The following SPAG16 variants were observed in gnomAD, a reference collection of about 807,000 sequenced individuals.
SPAG16 encodes sperm associated antigen 16, also known as sperm-associated antigen 16 protein.
A neutral mutation model predicts 80.4 loss-of-function variants in SPAG16; 86 were observed. That is an observed-to-expected ratio of 1.07 (90% CI 0.90 to 1.28). The LOEUF (loss-of-function observed/expected upper bound fraction) is 1.28, where lower values mean the gene tolerates loss of function less well. SPAG16 is among the 50% of genes most tolerant of loss of function. The pLI, the probability that SPAG16 is intolerant of heterozygous loss-of-function variation, is 0.00. For synonymous variants in SPAG16, 294 were observed against 265.9 expected (o/e 1.11, Z -1.03); for missense variants, 870 against 765.3 (o/e 1.14, Z -1.61).
intron 8 of SPAG16, among the ~76,000 whole-genome samples, chr2:213,367,609 C>T (rs1043995155): frequency 3.5e-5 from 5 of 144,722 alleles, no homozygotes; most frequent in African/African-American, 1.2e-4. Context: ...CTGTTCATAT[C>T]CTTCACCCAC....
intron 1 of SPAG16, among the ~76,000 whole-genome samples, chr2:213,288,777 T>C (rs1052323628): frequency 2.6e-5 from 4 of 152,232 alleles, no homozygotes; most frequent in Non-Finnish European, 5.9e-5. Context: ...TTTTCTTCTG[T>C]TATAAAATGG....
chr2:213,518,719 A>C (rs1279066562), intron 10 of SPAG16, among the ~76,000 whole-genome samples: 1 of 152,210 alleles, frequency 6.6e-6, no homozygotes, highest in Non-Finnish European at 1.5e-5. Context: ...TTAACCCAAC[A>C]ATCCTGTTAC....
At chr2:213,653,888 C>T (rs991175603) in intron 10 of SPAG16, among the ~76,000 whole-genome samples, 13 of 152,066 alleles carry the variant, frequency 8.5e-5, no homozygotes, top group Non-Finnish European at 2.9e-5. Context: ...TTCCATACAA[C>T]AGCTAAAGAT....
At chr2:213,792,961 C>T (rs2070797314) in intron 10 of SPAG16, among the ~76,000 whole-genome samples, 1 of 151,866 alleles carries the variant, frequency 6.6e-6, no homozygotes. Context: ...AAGTCTCACT[C>T]TTGTCCCCAG....
chr2:214,254,541 A>G (rs867819148), intron 15 of SPAG16, among the ~76,000 whole-genome samples: 1 of 152,126 alleles, frequency 6.6e-6, no homozygotes, highest in Non-Finnish European at 1.5e-5. Flanking sequence ...ACAATCGGTC[A>G]GCTTAGTCAG....
chr2:213,665,615 G>A (rs2063572457), intron 10 of SPAG16, among the ~76,000 whole-genome samples: 1 of 152,076 alleles, frequency 6.6e-6, no homozygotes, highest in African/African-American at 2.4e-5. Flanking sequence ...GAGAAATGAA[G>A]GCTCAAATTC....
In SPAG16 at chr2:213,796,090, C is replaced by A. The variant is rs150742261; in HGVS notation, c.1071-66395C>A. On this transcript the variant is annotated intron_variant, in intron 10 of 15. Coordinates refer to ENST00000331683, the MANE Select transcript of SPAG16 (RefSeq NM_024532.5). The stretch of plus-strand genomic sequence containing the variant: ...ATAAAACATCTAATCTATTCAACTC[C>A]CCCCAAAATGGTTAAAAATTTTTAT... Among the ~76,000 whole-genome samples the A allele has an allele frequency of 5.3e-4, 81 of 152,102 alleles. 1 individual carries two copies. Among genetic ancestry groups the A allele is most frequent in the African/African-American group, 1.7e-3 (72 of 41,506 alleles).
At chr2:213,585,045 C>G (rs1343229534) in intron 10 of SPAG16, among the ~76,000 whole-genome samples, 4 of 151,660 alleles carry the variant, frequency 2.6e-5, no homozygotes, top group Non-Finnish European at 5.9e-5. Flanking sequence ...AAAAGTTAGC[C>G]AGGCATGGTG....
At chr2:213,978,360 C>G (rs988444951) in intron 12 of SPAG16, among the ~76,000 whole-genome samples, 1 of 152,112 alleles carries the variant, frequency 6.6e-6, no homozygotes, top group Admixed American at 6.6e-5. Flanking sequence ...ATTCTTTCCT[C>G]AAATTTCCAA....
chr2:214,061,980 T>C (rs937137056), intron 13 of SPAG16, among the ~76,000 whole-genome samples: 38 of 46,988 alleles, frequency 8.1e-4, no homozygotes, highest in Admixed American at 1.9e-3. Flanking sequence ...AATAAAAGCA[T>C]GCACACACAC....
chr2:213,990,809 A>G (rs187419775), intron 12 of SPAG16, among the ~76,000 whole-genome samples: 1 of 152,148 alleles, frequency 6.6e-6, no homozygotes, highest in East Asian at 1.9e-4. Context: ...ATGTTTGCTC[A>G]ATATCTCTAA....
chr2:213,367,182 T>C (rs920074266), intron 8 of SPAG16, among the ~76,000 whole-genome samples: 1 of 152,148 alleles, frequency 6.6e-6, no homozygotes, highest in Non-Finnish European at 1.5e-5. Context: ...TAATCCAGTC[T>C]ATCATTGATG....
chr2:214,337,402 A>G (rs915757908), intron 15 of SPAG16, among the ~76,000 whole-genome samples: 2 of 152,178 alleles, frequency 1.3e-5, no homozygotes, highest in Non-Finnish European at 2.9e-5. Flanking sequence ...GATCTCCACA[A>G]GCATGTTTCA....
chr2:214,127,037 A>T (rs1303950864), intron 14 of SPAG16, among the ~76,000 whole-genome samples: 1 of 151,860 alleles, frequency 6.6e-6, no homozygotes, highest in Non-Finnish European at 1.5e-5. Flanking sequence ...GAAAAGAAAT[A>T]GATTTGATGG....
chr2:213,748,718 T>C (rs60317879), intron 10 of SPAG16, among the ~76,000 whole-genome samples: 3,139 of 152,246 alleles, frequency 0.021, 121 homozygotes, highest in African/African-American at 0.071. Flanking sequence ...TACTAATACC[T>C]AGATGATCAA....
intron 15 of SPAG16, among the ~76,000 whole-genome samples, chr2:214,322,821 C>G (rs763079149): frequency 2.0e-5 from 3 of 152,104 alleles, no homozygotes; most frequent in Admixed American, 6.5e-5. Context: ...CTTACAATCA[C>G]GCTGGGAAGC....
At chr2:214,365,250 CTG>C in intron 15 of SPAG16, among the ~76,000 whole-genome samples, 1 of 152,316 alleles carries the variant, frequency 6.6e-6, no homozygotes, top group East Asian at 1.9e-4. Flanking sequence ...AAATATGAAT[CTG>C]AACGTGAATA....
intron 5 of SPAG16, among the ~76,000 whole-genome samples, chr2:213,335,919 A>G (rs1424028124): frequency 6.6e-6 from 1 of 152,064 alleles, no homozygotes; most frequent in East Asian, 1.9e-4. Flanking sequence ...AAGTTTACCA[A>G]ATAGAAACAG....
intron 13 of SPAG16, among the ~76,000 whole-genome samples, chr2:214,051,180 C>T (rs868256778): frequency 2.6e-5 from 4 of 152,146 alleles, no homozygotes; most frequent in East Asian, 3.8e-4. Flanking sequence ...CTTTCAAGGA[C>T]GACGTAAAAT....
Sources: allele counts gnomAD v4.1 joint callset (sites outside exome capture counted in the v4.1 genomes callset), GRCh38; gene constraint gnomAD v4.1.1; transcripts MANE v1.5; gene names NCBI Gene and HGNC (gene_info 2026-07-23, HGNC 2026-07-21).